Variants in HFM1 observed in about 807,000 individuals in gnomAD.
HFM1 encodes helicase for meiosis 1.
In HFM1, 169 loss-of-function variants were observed where a neutral mutation model predicts 192.1. The ratio of observed to expected loss-of-function variants is 0.88; its 90% CI spans 0.78 to 1.00. HFM1 has a LOEUF of 1.00. Among genes scored for constraint, HFM1 ranks in the 50% least tolerant of loss-of-function variants. The pLI, the probability that HFM1 is intolerant of heterozygous loss-of-function variation, is 0.00. For missense variants in HFM1, 1,661 were observed against 1,668.0 expected, an observed-to-expected ratio of 1.00 and a Z score of 0.07; for synonymous variants, 525 against 537.8, an observed-to-expected ratio of 0.98 and a Z score of 0.33.
intron 29 of HFM1, among the ~76,000 whole-genome samples, 181 bp from the exon 30 acceptor site, chr1:91,313,676 A>G (rs545222360): frequency 1.5e-3 from 225 of 152,110 alleles, no homozygotes; most frequent in Non-Finnish European, 2.1e-3. Context: ...ATTTATCATT[A>G]TAAAAATAAA....
chr1:91,369,518 A>G (rs1252131748), intron 13 of HFM1, among the ~76,000 whole-genome samples: 1 of 152,250 alleles, frequency 6.6e-6, no homozygotes, highest in African/African-American at 2.4e-5. Flanking sequence ...AAATGAAGGC[A>G]GAAATAAAGA....
intron 2 of HFM1, among the ~76,000 whole-genome samples, chr1:91,399,617 A>G (rs1300027619): frequency 6.6e-6 from 1 of 152,134 alleles, no homozygotes; most frequent in Non-Finnish European, 1.5e-5. Flanking sequence ...TTATCCCTTA[A>G]AAGTACCATG....
At chr1:91,292,417 CAG>C (rs1305340575) in intron 30 of HFM1, among the ~76,000 whole-genome samples, 74 of 130,602 alleles carry the variant, frequency 5.7e-4, no homozygotes, top group Admixed American at 7.3e-4. Context: ...AACAGACAAA[CAG>C]AGAGCCAAAT....
intron 18 of HFM1, 137 bp from the exon 19 acceptor site, chr1:91,347,613 G>A: frequency 4.4e-6 from 2 of 453,456 alleles, no homozygotes; most frequent in Non-Finnish European, 4.0e-6. Flanking sequence ...GTTCAAACAA[G>A]GCTTAAATAT....
At chr1:91,323,703 G>C (rs1273874122) in intron 21 of HFM1, among the ~76,000 whole-genome samples, 1 of 152,070 alleles carries the variant, frequency 6.6e-6, no homozygotes, top group Admixed American at 6.6e-5. Flanking sequence ...CTGTGCTTTG[G>C]TTTCCCACAT....
intron 34 of HFM1, among the ~76,000 whole-genome samples, chr1:91,273,269 T>C (rs1666483615): frequency 6.6e-6 from 1 of 152,038 alleles, no homozygotes; most frequent in Non-Finnish European, 1.5e-5. Context: ...GTTCAATACC[T>C]TCATCTTAAA....
chr1:91,268,620 C>T (rs1474876689), intron 34 of HFM1, among the ~76,000 whole-genome samples: 5 of 151,950 alleles, frequency 3.3e-5, no homozygotes, highest in Non-Finnish European at 5.9e-5. Context: ...CTACAAAAAG[C>T]GTATGCTTAT....
intron 20 of HFM1, among the ~76,000 whole-genome samples, chr1:91,325,520 C>A (rs1389832227): frequency 6.6e-6 from 1 of 152,150 alleles, no homozygotes; most frequent in East Asian, 1.9e-4. Context: ...GCCTGATAGT[C>A]CAGAGAATTC....
intron 20 of HFM1, among the ~76,000 whole-genome samples, chr1:91,335,655 T>C (rs1201800529): frequency 6.6e-6 from 1 of 152,120 alleles, no homozygotes; most frequent in African/African-American, 2.4e-5. Context: ...AACAGGAAAT[T>C]CAGGATATTT....
chr1:91,332,957 C>T (rs1310248398), intron 20 of HFM1, among the ~76,000 whole-genome samples: 1 of 152,168 alleles, frequency 6.6e-6, no homozygotes, highest in East Asian at 1.9e-4. Flanking sequence ...ATAATAAATG[C>T]TGGTGAAGAT....
chr1:91,344,750 C>CTTTTTT (rs1655898822), intron 19 of HFM1, among the ~76,000 whole-genome samples: 1 of 57,364 alleles, frequency 1.7e-5, no homozygotes. Context: ...CTTTTCTTTT[C>CTTTTTT]TTGTTTTTTT....
At chr1:91,315,758 T>C in intron 28 of HFM1, 57 bp downstream of exon 28, 1 of 1,296,696 alleles carries the variant, frequency 7.7e-7, no homozygotes, top group Non-Finnish European at 1.0e-6. Context: ...CAGTAGAATT[T>C]TTCTTTTACA....
At chr1:91,304,466 G>A (rs906811596) in intron 30 of HFM1, among the ~76,000 whole-genome samples, 2 of 149,784 alleles carry the variant, frequency 1.3e-5, no homozygotes, top group African/African-American at 4.9e-5. Flanking sequence ...ATAGGTTTTT[G>A]TTTGTTTGTT....
chr1:91,328,179 T>C lies in HFM1; in HGVS notation c.2336-3413A>G, dbSNP rs79099909. On this transcript the variant is annotated intron_variant, in intron 20 of 38. Coordinates refer to ENST00000370425, the MANE Select transcript of HFM1 (RefSeq NM_001017975.6). ...ACAAAAGACCAATGAAACAAAAATGTTGGTTTCTAGAAAAGGTTAACAAAA... is the reference window on the plus strand; with the variant it reads ...ACAAAAGACCAATGAAACAAAAATGCTGGTTTCTAGAAAAGGTTAACAAAA... 1.4e-3 allele frequency among the ~76,000 whole-genome samples: 218 copies of C among 152,202 alleles called. 3 individuals carry two copies. The East Asian group carries it at 0.022, about 16-fold the overall frequency.
At chr1:91,295,540 AT>A (rs1231266869) in intron 30 of HFM1, among the ~76,000 whole-genome samples, 1 of 152,132 alleles carries the variant, frequency 6.6e-6, no homozygotes, top group Non-Finnish European at 1.5e-5. Flanking sequence ...CCCTATTTTA[AT>A]TCAATTATCT....
intron 4 of HFM1, among the ~76,000 whole-genome samples, chr1:91,391,215 T>G (rs1662942872): frequency 6.6e-6 from 1 of 152,242 alleles, no homozygotes; most frequent in Non-Finnish European, 1.5e-5. Flanking sequence ...CCCATCAAGC[T>G]ACCAATGACT....
chr1:91,345,023 C>T (rs1237987134), intron 19 of HFM1, among the ~76,000 whole-genome samples: 1 of 152,118 alleles, frequency 6.6e-6, no homozygotes, highest in Non-Finnish European at 1.5e-5. Context: ...AAAGGTATTA[C>T]AGGCATGAAC....
intron 23 of HFM1, among the ~76,000 whole-genome samples, chr1:91,322,574 C>G (rs1053780514): frequency 6.6e-6 from 1 of 152,090 alleles, no homozygotes; most frequent in Admixed American, 6.6e-5. Context: ...CATGATTTTG[C>G]TTTTACTCTT....
chr1:91,263,758 C>A (rs1665402154), intron 36 of HFM1, among the ~76,000 whole-genome samples: 1 of 152,064 alleles, frequency 6.6e-6, no homozygotes, highest in Non-Finnish European at 1.5e-5. Context: ...CTCCTTTCCA[C>A]CCCAAATCCT....
Sources: allele counts gnomAD v4.1 joint callset (sites outside exome capture counted in the v4.1 genomes callset), GRCh38; gene constraint gnomAD v4.1.1; transcripts MANE v1.5; gene names NCBI Gene and HGNC (gene_info 2026-07-23, HGNC 2026-07-21).